AK3: variants seen among roughly 807,000 people sequenced by gnomAD.
AK3 encodes the protein adenylate kinase 3.
A neutral mutation model predicts 23.7 loss-of-function variants in AK3; 27 were observed. The observed-to-expected ratio is 1.14, with a 90% CI of 0.84 to 1.57. The LOEUF (loss-of-function observed/expected upper bound fraction) is 1.57, where lower values mean the gene tolerates loss of function less well. Among genes scored for constraint, AK3 ranks in the 40% most tolerant of loss-of-function variants. The pLI, the probability that AK3 is intolerant of heterozygous loss-of-function variation, is 0.00. For synonymous variants in AK3, 159 were observed against 116.0 expected, an observed-to-expected ratio of 1.37 and a Z score of -2.38; for missense variants, 406 against 285.6, an observed-to-expected ratio of 1.42 and a Z score of -3.04.
At chr9:4,720,661 G>T (rs191032742) in intron 2 of AK3, among the ~76,000 whole-genome samples, 2 of 149,374 alleles carry the variant, frequency 1.3e-5, no homozygotes, top group East Asian at 3.9e-4. Flanking sequence ...TTGCACTGCA[G>T]CCTGGTGACA....
Position 4,709,740 on chromosome 9 carries a change from TA to T in AK3, c.*3235del, listed in dbSNP as rs1841500918. On this transcript the variant is annotated 3_prime_UTR_variant, in exon 5 of 5. Transcript: ENST00000381809. The stretch of plus-strand genomic sequence containing the variant: ...TAACTGTTTAAAAATTTTTTAACCA[TA>T]ACTTCCAAGATGAAAATCTTTAACT... 6.6e-6 allele frequency: 1 copy of T among 152,236 alleles called. No homozygotes were observed. Among genetic ancestry groups the T allele is most frequent in the African/African-American group, 2.4e-5 (1 of 41,460 alleles). 9.4% of individuals were successfully genotyped at this position (152,236 alleles called of 1,614,324 possible). A position where few individuals can be genotyped will look rare whatever the true frequency, so the allele number is the denominator to read the frequency against.
chr9:4,712,893 A>G lies in AK3; in HGVS notation c.*83T>C, dbSNP rs1367864249. The stretch of plus-strand genomic sequence containing the variant: ...AATTTTCAAAGAATTCATACATACT[A>G]GAAGTCTTAGGAAAAGCAGCTTCTA... On this transcript the variant is annotated 3_prime_UTR_variant, in exon 5 of 5. Coordinates refer to ENST00000381809, the MANE Select transcript of AK3 (RefSeq NM_016282.4). 1.2e-5 allele frequency: 18 copies of G among 1,458,278 alleles called. No individual in the cohort carries two copies. In the African/African-American group the frequency reaches 2.1e-4, roughly 17 times the overall value. The allele number at this position is 1,458,278 out of a possible 1,614,324, so 90.3% of individuals were successfully genotyped here.
intron 1 of AK3, among the ~76,000 whole-genome samples, chr9:4,735,003 G>A (rs763541543): frequency 6.6e-6 from 1 of 151,684 alleles, no homozygotes; most frequent in Non-Finnish European, 1.5e-5. Flanking sequence ...AGGTGGAGGG[G>A]TGTGGGGTAG....
At chr9:4,725,719 T>G (rs1036203662) in intron 1 of AK3, among the ~76,000 whole-genome samples, 1 of 152,182 alleles carries the variant, frequency 6.6e-6, no homozygotes, top group Non-Finnish European at 1.5e-5. Context: ...TCTAAAGAAC[T>G]CTTACAACTC....
chr9:4,723,592 G>C (rs989059316), intron 1 of AK3, among the ~76,000 whole-genome samples: 1 of 151,982 alleles, frequency 6.6e-6, no homozygotes, highest in African/African-American at 2.4e-5. Flanking sequence ...TACACCTTCA[G>C]AACCGTAATT....
intron 1 of AK3, among the ~76,000 whole-genome samples, chr9:4,740,597 G>T (rs967853651): frequency 6.6e-6 from 1 of 152,256 alleles, no homozygotes; most frequent in Non-Finnish European, 1.5e-5. Flanking sequence ...CGTTGAACAA[G>T]CTGCGGCTCA....
At chr9:4,716,782 T>C (rs1841747441) in intron 4 of AK3, among the ~76,000 whole-genome samples, 1 of 152,224 alleles carries the variant, frequency 6.6e-6, no homozygotes, top group East Asian at 1.9e-4. Context: ...ATTTTTTTAA[T>C]TGGCCAGGTC....
Position 4,739,296 on chromosome 9 carries a change from TTC to T in AK3, c.151+1639_151+1640del, listed in dbSNP as rs559217893. Reference sequence around the variant, plus strand: ...ACCTCCGCCTCCCAGGTTCAAGCGATTCTCTCTCCTCAGCCTCCCGAGTAGCT... The same window carrying T: ...ACCTCCGCCTCCCAGGTTCAAGCGATTCTCTCCTCAGCCTCCCGAGTAGCT... On this transcript the variant is annotated intron_variant, in intron 1 of 4. Transcript: ENST00000381809. 2.8e-3 allele frequency among the ~76,000 whole-genome samples: 421 copies of T among 151,858 alleles called. 1 individual carries two copies. The highest frequency in any genetic ancestry group is 9.7e-3 in the African/African-American group (401 of 41,400).
chr9:4,720,180 G>A (rs1452832338), intron 2 of AK3, among the ~76,000 whole-genome samples: 2 of 152,136 alleles, frequency 1.3e-5, no homozygotes, highest in Non-Finnish European at 2.9e-5. Flanking sequence ...ACAAAGAGAT[G>A]TGTTATATAG....
At chr9:4,736,098 G>C (rs1432916937) in intron 1 of AK3, among the ~76,000 whole-genome samples, 3 of 141,820 alleles carry the variant, frequency 2.1e-5, no homozygotes, top group African/African-American at 5.3e-5. Flanking sequence ...CTAGGCAACA[G>C]AGCGAGACTC....
intron 1 of AK3, among the ~76,000 whole-genome samples, chr9:4,736,391 A>G (rs928254593): frequency 2.6e-5 from 4 of 152,022 alleles, no homozygotes; most frequent in African/African-American, 9.7e-5. Flanking sequence ...ATAAGCATAA[A>G]ATATCTTGGA....
At chr9:4,724,411 T>C (rs1416634315) in intron 1 of AK3, among the ~76,000 whole-genome samples, 2 of 152,108 alleles carry the variant, frequency 1.3e-5, no homozygotes, top group Non-Finnish European at 2.9e-5. Context: ...GGTTAATTAA[T>C]AAAGTACTTA....
chr9:4,736,483 A>C (rs1400270460), intron 1 of AK3, among the ~76,000 whole-genome samples: 1 of 115,732 alleles, frequency 8.6e-6, no homozygotes, highest in Non-Finnish European at 1.9e-5. Context: ...AAAAAAAAAA[A>C]AAAACAACTC....
intron 1 of AK3, among the ~76,000 whole-genome samples, chr9:4,733,112 G>A (rs947769130): frequency 2.6e-5 from 4 of 151,968 alleles, no homozygotes; most frequent in Admixed American, 6.6e-5. Flanking sequence ...GCCTCCCAAA[G>A]TGCTGGGATT....
chr9:4,723,054 G>C (rs1186373247), intron 1 of AK3, among the ~76,000 whole-genome samples: 1 of 150,188 alleles, frequency 6.7e-6, no homozygotes, highest in Admixed American at 6.6e-5. Context: ...CTGGGCAACA[G>C]AGTGAGACTC....
At position 4,735,306 on chromosome 9, in the gene AK3, T is replaced by C. The variant is rs1449521391; in HGVS notation, c.151+5631A>G. Among the ~76,000 whole-genome samples the C allele has an allele frequency of 1.0e-4, 7 of 68,558 alleles. 2 individuals carry two copies. Among genetic ancestry groups the C allele is most frequent in the African/African-American group, 3.5e-4 (6 of 17,302 alleles). 45.0% of individuals were successfully genotyped at this position (68,558 alleles called of 152,430 possible). A position where few individuals can be genotyped will look rare whatever the true frequency, so the allele number is the denominator to read the frequency against. ...ATACATATATAAATATATATATACA[T>C]ATATAAATATATATATACATATATA... On this transcript the variant is annotated intron_variant, in intron 1 of 4. Transcript: ENST00000381809.
chr9:4,734,003 G>A (rs1842213435), intron 1 of AK3, among the ~76,000 whole-genome samples: 1 of 152,152 alleles, frequency 6.6e-6, no homozygotes, highest in East Asian at 1.9e-4. Context: ...GTGTTTACAT[G>A]TTGTTATAGA....
At chr9:4,719,754 A>G (rs1841842790) in intron 2 of AK3, among the ~76,000 whole-genome samples, 1 of 152,028 alleles carries the variant, frequency 6.6e-6, no homozygotes, top group Admixed American at 6.6e-5. Context: ...CTCAAACTGA[A>G]CTCATGATCT....
At position 4,729,672 on chromosome 9, in the gene AK3, TA is replaced by T. The variant is rs202090353; in HGVS notation, c.152-7048del. On this transcript the variant is annotated intron_variant, in intron 1 of 4. Coordinates refer to ENST00000381809, the MANE Select transcript of AK3 (RefSeq NM_016282.4). The stretch of plus-strand genomic sequence containing the variant: ...AACACAGCAAGATCCTACATCTAAA[TA>T]AAAAAAATACGGGCATGGTGGTGCA... Among the ~76,000 whole-genome samples the T allele has an allele frequency of 2.6e-5, 4 of 151,086 alleles. No homozygotes were observed. The South Asian group carries it at 8.4e-4, about 32-fold the overall frequency.
Sources: allele counts gnomAD v4.1 joint callset (sites outside exome capture counted in the v4.1 genomes callset), GRCh38; gene constraint gnomAD v4.1.1; transcripts MANE v1.5; gene names NCBI Gene and HGNC (gene_info 2026-07-23, HGNC 2026-07-21).